The following ALDH8A1 variants were observed in gnomAD, a reference collection of about 807,000 sequenced individuals.
The protein encoded by ALDH8A1 is 2-aminomuconic semialdehyde dehydrogenase.
Under a neutral mutation model 43.3 loss-of-function variants are expected in ALDH8A1, and 39 were observed. The observed-to-expected ratio is 0.90, with a 90% CI of 0.70 to 1.18. ALDH8A1 has a LOEUF of 1.18. Ranked by LOEUF, ALDH8A1 falls within the 50% of genes most tolerant of loss-of-function variation. The pLI, the probability that ALDH8A1 is intolerant of heterozygous loss-of-function variation, is 0.00. For missense variants in ALDH8A1, 605 were observed against 622.6 expected, an observed-to-expected ratio of 0.97 and a Z score of 0.30; for synonymous variants, 233 against 243.5, an observed-to-expected ratio of 0.96 and a Z score of 0.40.
At chr6:134,937,174 G>A (rs896920147) in intron 4 of ALDH8A1, among the ~76,000 whole-genome samples, 1 of 152,194 alleles carries the variant, frequency 6.6e-6, no homozygotes, top group Admixed American at 6.5e-5. Flanking sequence ...TATTCACTGT[G>A]TCATCTTAAA....
rs201801976 is a variant in ALDH8A1, at chr6:134,939,411, A to G, written c.447T>C (p.Gly149=). 88 of 1,613,858 alleles carry G rather than the reference A, an allele frequency of 5.5e-5. No homozygotes were observed. The East Asian group carries it at 1.9e-3, about 35-fold the overall frequency. Residue 149 remains glycine, a synonymous_variant, in exon 4 of 7, where the codon GGT becomes GGC. Coordinates refer to ENST00000265605, the MANE Select transcript of ALDH8A1 (RefSeq NM_022568.4). ...YTVRAPVGVA[G]LISPWNLPLY... Reference sequence around the variant, plus strand: ...GTGGCAAATTCCAGGGGCTGATCAGACCAGCTAAGGGATGAGAGCAGAAGC... The same window carrying G: ...GTGGCAAATTCCAGGGGCTGATCAGGCCAGCTAAGGGATGAGAGCAGAAGC...
intron 2 of ALDH8A1, among the ~76,000 whole-genome samples, chr6:134,943,469 A>G (rs2114707880): frequency 6.6e-6 from 1 of 152,376 alleles, no homozygotes; most frequent in African/African-American, 2.4e-5. Context: ...TTCTCTGCTT[A>G]GAATGAGTAG....
rs12527798 is a variant in ALDH8A1, at chr6:134,933,169, C to G, written c.593-137G>C. The G allele has an allele frequency of 5.1e-6, 5 of 981,844 alleles. No homozygotes were observed. In the Admixed American group the frequency reaches 1.6e-4, roughly 32 times the overall value. 60.8% of individuals were successfully genotyped at this position (981,844 alleles called of 1,614,324 possible). A position where few individuals can be genotyped will look rare whatever the true frequency, so the allele number is the denominator to read the frequency against. On this transcript the variant is annotated intron_variant, in intron 4 of 6. Transcript: ENST00000265605. ...GAGGAAGCACTTGGGTTTTACAACACTTGGAACTTCTATGGCTGCCTCTGG... is the reference window on the plus strand; with the variant it reads ...GAGGAAGCACTTGGGTTTTACAACAGTTGGAACTTCTATGGCTGCCTCTGG...
intron 5 of ALDH8A1, among the ~76,000 whole-genome samples, chr6:134,930,169 A>C (rs576093167): frequency 6.6e-6 from 1 of 152,324 alleles, no homozygotes; most frequent in African/African-American, 2.4e-5. Context: ...AGAGGGCAAG[A>C]ACAAGAGTAG....
intron 6 of ALDH8A1, among the ~76,000 whole-genome samples, chr6:134,923,767 A>G (rs1034768174): frequency 2.6e-5 from 4 of 152,218 alleles, no homozygotes; most frequent in African/African-American, 9.6e-5. Context: ...GATGGTAGAA[A>G]TAATGAGGAA....
At position 134,929,199 on chromosome 6, in the gene ALDH8A1, C is replaced by A. The variant is rs1283360532; in HGVS notation, c.866G>T (p.Cys289Phe). The A allele has an allele frequency of 6.2e-7, 1 of 1,613,852 alleles. No homozygotes were observed. Among genetic ancestry groups the A allele is most frequent in the African/African-American group, 1.3e-5 (1 of 74,906 alleles). ...CTTCTGGACAAAGATCCTGCTGGTACAGAGACAGATTTCACCCTGCCAAGA... is the reference window on the plus strand; with the variant it reads ...CTTCTGGACAAAGATCCTGCTGGTAAAGAGACAGATTTCACCCTGCCAAGA... ...SFANQGEICLCTSRIFVQKSI... is the reference protein window; with the variant it reads ...SFANQGEICLFTSRIFVQKSI... The change falls in exon 6 of 7, where the codon TGT becomes TTT. Residue 289 changes from cysteine to phenylalanine, a missense_variant. Transcript: ENST00000265605.
At chr6:134,926,198 C>G (rs1047493196) in intron 6 of ALDH8A1, among the ~76,000 whole-genome samples, 1 of 149,562 alleles carries the variant, frequency 6.7e-6, no homozygotes, top group African/African-American at 2.5e-5. Context: ...GACTCAGGAC[C>G]CTTCTTTTTT....
At chr6:134,920,879 T>C (rs1469219060) in intron 6 of ALDH8A1, among the ~76,000 whole-genome samples, 6 of 152,114 alleles carry the variant, frequency 3.9e-5, no homozygotes, top group Non-Finnish European at 1.5e-5. Flanking sequence ...GTTAGAAGAG[T>C]AACCCGAGAG....
intron 1 of ALDH8A1, 43 bp from the exon 2 acceptor site, chr6:134,944,009 A>T: frequency 6.3e-7 from 1 of 1,581,874 alleles, no homozygotes; most frequent in Non-Finnish European, 8.6e-7. Context: ...TAAAGCTGTT[A>T]GTCCTTGGGG....
intron 1 of ALDH8A1, among the ~76,000 whole-genome samples, chr6:134,944,434 G>A (rs367809809): frequency 4.6e-5 from 7 of 152,242 alleles, no homozygotes; most frequent in Admixed American, 2.0e-4. Flanking sequence ...TGACACAGGT[G>A]TTTACATGAC....
Position 134,943,902 on chromosome 6 carries a change from T to C in ALDH8A1, c.203A>G (p.Glu68Gly). The C allele has an allele frequency of 6.2e-7, 1 of 1,614,182 alleles. No individual in the cohort carries two copies. The highest frequency in any genetic ancestry group is 1.1e-5 in the South Asian group (1 of 91,086). Reference protein sequence around the residue: ...FPSWSSRSPQERSRVLNQVAD... With the variant: ...FPSWSSRSPQGRSRVLNQVAD... ...CACCTGGTTCAGGACCCGTGAGCGC[T>C]CCTGGGGGCTGCGGGATGACCAGCT... Residue 68 changes from glutamate (E) to glycine (G), a missense_variant, in exon 2 of 7, where the codon GAG becomes GGG. Glu to Gly is a moderately conservative substitution (Grantham distance 98). Coordinates refer to ENST00000265605, the MANE Select transcript of ALDH8A1 (RefSeq NM_022568.4).
intron 6 of ALDH8A1, among the ~76,000 whole-genome samples, chr6:134,920,496 A>G (rs1776780981): frequency 6.6e-6 from 1 of 152,212 alleles, no homozygotes; most frequent in East Asian, 1.9e-4. Context: ...AACTTCATCA[A>G]TGATTCAGCA....
intron 6 of ALDH8A1, among the ~76,000 whole-genome samples, chr6:134,919,433 T>A (rs1487791979): frequency 1.3e-5 from 2 of 152,190 alleles, no homozygotes; most frequent in Non-Finnish European, 2.9e-5. Context: ...TAATTTCTAG[T>A]CTCATTACTG....
At position 134,929,094 on chromosome 6, in the gene ALDH8A1, A is replaced by G; in HGVS notation, c.971T>C (p.Val324Ala). The change falls in exon 6 of 7, where the codon GTG becomes GCG. Residue 324 changes from valine to alanine, a missense_variant. By Grantham distance (64) the Val-to-Ala change is moderately conservative. Transcript: ENST00000265605. The part of the protein sequence containing the change: ...WKVGIPSDPL[V>A]SIGALISKAH... The stretch of plus-strand genomic sequence containing the variant: ...TTTACTTATCAGAGCACCTATGCTC[A>G]CCAGTGGATCAGAGGGAATGCCGAC... The G allele has an allele frequency of 6.2e-7, 1 of 1,614,240 alleles. No individual in the cohort carries two copies. The highest frequency in any genetic ancestry group is 1.3e-5 in the African/African-American group (1 of 75,068).
intron 4 of ALDH8A1, among the ~76,000 whole-genome samples, chr6:134,933,612 A>G (rs1241035617): frequency 6.6e-6 from 1 of 152,228 alleles, no homozygotes; most frequent in Non-Finnish European, 1.5e-5. Context: ...AGTACCACAA[A>G]CAACCAAAAA....
intron 1 of ALDH8A1, among the ~76,000 whole-genome samples, chr6:134,948,325 C>T (rs935364603): frequency 4.0e-5 from 6 of 151,816 alleles, no homozygotes; most frequent in African/African-American, 1.5e-4. Flanking sequence ...AGTAGAGTGA[C>T]AATAGTTAAC....
intron 3 of ALDH8A1, among the ~76,000 whole-genome samples, chr6:134,941,972 C>T (rs1371870726): frequency 6.6e-6 from 1 of 152,042 alleles, no homozygotes; most frequent in African/African-American, 2.4e-5. Context: ...GTAATCCCAG[C>T]ACTTGGGGAG....
chr6:134,928,954 T>C (rs1776931229), intron 6 of ALDH8A1, 100 bp downstream of exon 6: 3 of 1,342,182 alleles, frequency 2.2e-6, no homozygotes, highest in African/African-American at 1.5e-5. Flanking sequence ...AATGGGGTAG[T>C]AACTAACAAT....
rs1444082586 is a variant in ALDH8A1, at chr6:134,950,034, A to G, written c.20T>C (p.Leu7Pro). Residue 7 changes from leucine to proline, a missense_variant, in exon 1 of 7, where the codon CTT becomes CCT. Transcript: ENST00000265605. MAGTNA[L>P]LMLENFIDGK... is the part of the protein sequence containing the mutation. ...ATCTATGAAGTTTTCCAGCATCAAA[A>G]GTGCGTTTGTTCCAGCCATAGCAAG... The G allele has an allele frequency of 1.9e-6, 3 of 1,612,676 alleles. No homozygotes were observed. The highest frequency in any genetic ancestry group is 1.7e-6 in the Non-Finnish European group (2 of 1,179,324).
Sources: gnomAD v4.1 joint callset for allele counts (sites outside exome capture counted in the v4.1 genomes callset) on GRCh38, gnomAD v4.1.1 for gene constraint, MANE v1.5 for transcripts, NCBI Gene and HGNC (gene_info 2026-07-23, HGNC 2026-07-21) for gene names.